The following TRAPPC2L variants were observed in gnomAD, a reference collection of about 807,000 sequenced individuals.
TRAPPC2L encodes trafficking protein particle complex subunit 2-like protein.
In TRAPPC2L, 17 loss-of-function variants were observed where a neutral mutation model predicts 13.2. The ratio of observed to expected loss-of-function variants is 1.29; its 90% confidence interval spans 0.88 to 1.93. The LOEUF is 1.93. Ranked by LOEUF, TRAPPC2L falls within the 30% of genes most tolerant of loss-of-function variation. The probability of loss-of-function intolerance (pLI) is 0.00; values close to 1 mark genes in which losing one functional copy is unlikely to be tolerated. For missense variants in TRAPPC2L, 359 were observed against 252.1 expected, an observed-to-expected ratio of 1.42 and a Z score of -2.87; for synonymous variants, 150 against 98.1, an observed-to-expected ratio of 1.53 and a Z score of -3.12.
intron 2 of TRAPPC2L, 103 bp from the exon 3 acceptor site, chr16:88,859,560 C>A: frequency 9.1e-7 from 1 of 1,099,316 alleles, no homozygotes; most frequent in Non-Finnish European, 1.4e-6. Flanking sequence ...ATGGGCATTT[C>A]CTGTGATTCA....
At chr16:88,860,464 T>A (rs773065773) in exon 4 of TRAPPC2L, 3 of 602,738 alleles carry the variant, frequency 5.0e-6, no homozygotes, top group Non-Finnish European at 8.8e-6. Context: ...TTGCTTTCAG[T>A]GAGTCCCCAG....
intron 1 of TRAPPC2L, among the ~76,000 whole-genome samples, chr16:88,858,374 A>AT (rs1968127439): frequency 6.6e-6 from 1 of 152,020 alleles, no homozygotes; most frequent in Non-Finnish European, 1.5e-5. Flanking sequence ...CATTTTTCTG[A>AT]TTCATTTTTT....
exon 4 of TRAPPC2L, chr16:88,861,454 C>T (rs1194985416): frequency 2.9e-6 from 1 of 347,652 alleles, no homozygotes; most frequent in African/African-American, 2.2e-5. Context: ...CCATTCTTTG[C>T]ATCTGGCTCA....
chr16:88,856,784 T>C (rs2143013538), upstream of TRAPPC2L: 1 of 1,542,300 alleles, frequency 6.5e-7, no homozygotes, highest in African/African-American at 1.4e-5. Flanking sequence ...AGCAGGATGT[T>C]GGGGGGCTGC....
chr16:88,861,039 C>G, exon 4 of TRAPPC2L: 1 of 1,428,994 alleles, frequency 7.0e-7, no homozygotes, highest in South Asian at 1.2e-5. Flanking sequence ...GTTGCCTCTT[C>G]CTGAATGGGA....
At position 88,857,182 on chromosome 16, in the gene TRAPPC2L, A is replaced by T. The variant is rs751136345; in HGVS notation, c.32A>T (p.Glu11Val). ...GTGTGCATCGCGGTGATTGCCAAGG[A>T]GGTGCGTACGCGCGGCGTGGGGCGT... Residue 11 changes from glutamate to valine, a missense_variant and splice_region_variant, in exon 1 of 4, where the codon GAG (glutamate) becomes GTG (valine). Coordinates refer to ENST00000565504, the Ensembl canonical transcript of TRAPPC2L. The T allele has an allele frequency of 1.9e-6, 3 of 1,576,830 alleles. No homozygotes were observed. The Admixed American group carries it at 5.2e-5, about 27-fold the overall frequency.
At chr16:88,856,785 G>T (rs747587253), upstream of TRAPPC2L, 2 of 1,539,098 alleles carry the variant, frequency 1.3e-6, no homozygotes, top group East Asian at 5.0e-5. Flanking sequence ...GCAGGATGTT[G>T]GGGGGCTGCG....
At position 88,857,943 on chromosome 16, in the gene TRAPPC2L, G is replaced by A. The variant is rs568405489; in HGVS notation, c.34-676G>A. Among the ~76,000 whole-genome samples, 18 of 152,336 alleles carry A rather than the reference G, an allele frequency of 1.2e-4. No individual in the cohort carries two copies. The South Asian group carries it at 1.7e-3, about 14-fold the overall frequency. ...ACTCGAGACCGCTCCCTGCTGGGCGGTGGCTGCTGCTAAGCTGCTCATGGG... is the reference window on the plus strand; with the variant it reads ...ACTCGAGACCGCTCCCTGCTGGGCGATGGCTGCTGCTAAGCTGCTCATGGG... On this transcript the variant is annotated intron_variant, in intron 1 of 3. Coordinates refer to ENST00000565504, the Ensembl canonical transcript of TRAPPC2L.
exon 4 of TRAPPC2L, chr16:88,860,111 G>A: frequency 2.4e-6 from 2 of 840,754 alleles, no homozygotes; most frequent in South Asian, 1.4e-5. Context: ...CTAGGGCAGA[G>A]GTTTTAAAGC....
chr16:88,862,197 G>A (rs1014601851), exon 4 of TRAPPC2L: 3 of 153,482 alleles, frequency 2.0e-5, no homozygotes, highest in African/African-American at 4.8e-5. Flanking sequence ...ACTCCTGCCC[G>A]AGTCCTGGCT....
chr16:88,859,979 C>G lies in TRAPPC2L; in HGVS notation c.381C>G (p.Ala127=). The change falls in exon 4 of 4, where the codon GCC becomes GCG. Residue 127 remains alanine (A), a synonymous_variant. Transcript: ENST00000565504. ...GGGACCGCATCCAGTCCAGGTGGGCCCTACTTTCTGTGTCTTGCCACCTTC... is the reference window on the plus strand; with the variant it reads ...GGGACCGCATCCAGTCCAGGTGGGCGCTACTTTCTGTGTCTTGCCACCTTC... 1 of 1,613,848 alleles carries G rather than the reference C, an allele frequency of 6.2e-7. No individual in the cohort carries two copies. The highest frequency in any genetic ancestry group is 8.5e-7 in the Non-Finnish European group (1 of 1,179,828).
chr16:88,860,289 C>A, exon 4 of TRAPPC2L: 1 of 699,794 alleles, frequency 1.4e-6, no homozygotes, highest in Non-Finnish European at 2.6e-6. Flanking sequence ...TGGGCAGTGG[C>A]TTTCAGGGAT....
At chr16:88,857,486 A>AG (rs1033348442) in intron 1 of TRAPPC2L, 4 of 395,264 alleles carry the variant, frequency 1.0e-5, no homozygotes, top group Non-Finnish European at 1.8e-5. Context: ...CTCCGTCCTC[A>AG]GCAGGTTCTG....
chr16:88,856,971 G>A, upstream of TRAPPC2L: 1 of 1,400,872 alleles, frequency 7.1e-7, no homozygotes, highest in Non-Finnish European at 9.2e-7. Flanking sequence ...GGGCCTGGAC[G>A]GCCACGTGAC....
chr16:88,859,900 G>A lies in TRAPPC2L; in HGVS notation c.302G>A (p.Arg101Gln), dbSNP rs745737338. ...TTGCTGGGTCTTTTTCAGATGTTCC[G>A]GAAGCTACACAACTCCTACACAGAC... is the stretch of plus-strand genomic sequence containing the variant. Residue 101 changes from arginine (R) to glutamine (Q), a missense_variant, in exon 4 of 4, where the codon CGG becomes CAG. Physicochemically the swap from Arg to Gln is conservative, Grantham distance 43. Transcript: ENST00000565504. 9.7e-6 allele frequency: 15 copies of A among 1,554,102 alleles called. 1 individual carries two copies. Among genetic ancestry groups the A allele is most frequent in the South Asian group, 4.6e-5 (4 of 87,732 alleles).
At chr16:88,858,626 C>T (rs1278957565) in exon 2 of TRAPPC2L, 2 of 1,612,754 alleles carry the variant, frequency 1.2e-6, no homozygotes, top group Non-Finnish European at 1.7e-6. Flanking sequence ...CAGAATTACC[C>T]CCTCTACATT....
At chr16:88,860,097 C>T (rs770502175) in exon 4 of TRAPPC2L, 1 of 895,744 alleles carries the variant, frequency 1.1e-6, no homozygotes, top group Non-Finnish European at 1.8e-6. Flanking sequence ...TGAGCACCAT[C>T]CCCCTAGGGC....
At chr16:88,856,608 C>T (rs1453672469), upstream of TRAPPC2L, 3 of 555,108 alleles carry the variant, frequency 5.4e-6, no homozygotes, top group African/African-American at 4.0e-5. Flanking sequence ...CCTCCTCCTC[C>T]CCGCGCGGGG....
At chr16:88,861,099 G>A in exon 4 of TRAPPC2L, 1 of 782,414 alleles carries the variant, frequency 1.3e-6, no homozygotes, top group East Asian at 2.7e-5. Flanking sequence ...TCAACTAAAG[G>A]TCTTGTGAGA....
Sources: gnomAD v4.1 joint callset for allele counts (sites outside exome capture counted in the v4.1 genomes callset) on GRCh38, gnomAD v4.1.1 for gene constraint, MANE v1.5 for transcripts, NCBI Gene and HGNC (gene_info 2026-07-23, HGNC 2026-07-21) for gene names.